CSNK2A1: variants seen among roughly 807,000 people sequenced by gnomAD.
CSNK2A1 encodes casein kinase II subunit alpha.
A neutral mutation model predicts 62.9 loss-of-function variants in CSNK2A1; 10 were observed. The ratio of observed to expected loss-of-function variants is 0.16; its 90% CI spans 0.10 to 0.27. The LOEUF (loss-of-function observed/expected upper bound fraction) is 0.27, where lower values mean the gene tolerates loss of function less well. Ranked by LOEUF, CSNK2A1 falls within the 10% of genes least tolerant of loss-of-function variation. The pLI is 1.00. For synonymous variants in CSNK2A1, 124 were observed against 167.8 expected (o/e 0.74, Z 2.02); for missense variants, 160 against 492.0 (o/e 0.33, Z 6.38).
At chr20:489,599 C>G (rs1339465224) in intron 10 of CSNK2A1, 181 bp downstream of exon 10, 1 of 453,364 alleles carries the variant, frequency 2.2e-6, no homozygotes, top group Admixed American at 3.7e-5. Context: ...ATAAGCAATG[C>G]AAATGACAAA....
chr20:509,683 C>G (rs2018675199), intron 2 of CSNK2A1, among the ~76,000 whole-genome samples: 1 of 152,182 alleles, frequency 6.6e-6, no homozygotes, highest in African/African-American at 2.4e-5. Context: ...TCCGGTGATT[C>G]TTTCACCTCA....
chr20:523,045 G>C (rs369626383), intron 2 of CSNK2A1, among the ~76,000 whole-genome samples: 1 of 152,166 alleles, frequency 6.6e-6, no homozygotes, highest in Admixed American at 6.5e-5. Flanking sequence ...ACTGAGGGAA[G>C]CATATATGGA....
rs2122474832 is a variant in CSNK2A1 at position 478,144 on chromosome 20, C to G, written c.*5817G>C. 1 of 152,554 alleles carries G rather than the reference C, an allele frequency of 6.6e-6. No homozygotes were observed. The highest frequency in any genetic ancestry group is 1.9e-4 in the East Asian group (1 of 5,186). 9.5% of individuals were successfully genotyped at this position (152,554 alleles called of 1,614,324 possible). A position where few individuals can be genotyped will look rare whatever the true frequency, so the allele number is the denominator to read the frequency against. On this transcript the variant is annotated 3_prime_UTR_variant, in exon 14 of 14. Coordinates refer to ENST00000217244, the MANE Select transcript of CSNK2A1 (RefSeq NM_177559.3). ...CCCAGTGTATAGCAAAGACCAGGCT[C>G]AGGGGCACTTACAAATGTTTGTTGA...
chr20:486,287 AG>A, intron 13 of CSNK2A1, 88 bp downstream of exon 13: 2 of 1,478,658 alleles, frequency 1.4e-6, no homozygotes, highest in Non-Finnish European at 1.9e-6. Context: ...AGTACGGAGA[AG>A]AGAAGGTATA....
chr20:538,403 C>T (rs1216304413), intron 1 of CSNK2A1, among the ~76,000 whole-genome samples: 1 of 152,192 alleles, frequency 6.6e-6, no homozygotes, highest in Non-Finnish European at 1.5e-5. Context: ...CAAAGTCAAA[C>T]ATAACCTCTA....
chr20:541,634 A>C (rs978229092), intron 1 of CSNK2A1, among the ~76,000 whole-genome samples: 1 of 152,214 alleles, frequency 6.6e-6, no homozygotes, highest in Non-Finnish European at 1.5e-5. Context: ...CACCTGTTTC[A>C]TCCTCAAATT....
intron 2 of CSNK2A1, among the ~76,000 whole-genome samples, chr20:527,729 G>A (rs73076706): frequency 0.036 from 4,877 of 136,968 alleles, 102 homozygotes; most frequent in Middle Eastern, 0.05. Flanking sequence ...TGGATGCCCC[G>A]TGTTTCACCA....
chr20:504,748 G>A (rs996306513), intron 4 of CSNK2A1: 9 of 199,508 alleles, frequency 4.5e-5, no homozygotes, highest in African/African-American at 9.2e-5. Context: ...TGTCCCCCTC[G>A]AGTCCTGTGA....
At chr20:520,656 T>C (rs924503473) in intron 2 of CSNK2A1, among the ~76,000 whole-genome samples, 3 of 152,130 alleles carry the variant, frequency 2.0e-5, no homozygotes, top group African/African-American at 7.2e-5. Context: ...TGTGTCACTA[T>C]GCCCTGCTAA....
Position 485,115 on chromosome 20 carries a change from T to TAATAATA in CSNK2A1, c.1061-1040_1061-1039insTATTATT, listed in dbSNP as rs1568496757. ...AAAAAAAAAAAAAAAAAAAAATATA[T>TAATAATA]ATATATATATATATATATATATGAG... is the stretch of plus-strand genomic sequence containing the variant. On this transcript the variant is annotated intron_variant, in intron 13 of 13. Coordinates refer to ENST00000217244, the MANE Select transcript of CSNK2A1 (RefSeq NM_177559.3). Among the ~76,000 whole-genome samples, 2 of 49,012 alleles carry TAATAATA rather than the reference T, an allele frequency of 4.1e-5. 1 individual carries two copies. Among genetic ancestry groups the TAATAATA allele is most frequent in the African/African-American group, 1.8e-4 (2 of 11,156 alleles). The allele number at this position is 49,012 out of a possible 152,430, so 32.2% of individuals were successfully genotyped here. A position where few individuals can be genotyped will look rare whatever the true frequency, so the allele number is the denominator to read the frequency against.
At chr20:515,623 T>TCA (rs150313072) in intron 2 of CSNK2A1, among the ~76,000 whole-genome samples, 179 of 150,880 alleles carry the variant, frequency 1.2e-3, no homozygotes, top group African/African-American at 3.2e-3. Context: ...TACTGCACAT[T>TCA]CACACACACA....
chr20:523,858 C>CAAAAAAAAAAAAAAAAAAAAAAAAAAAAA (rs11401840), intron 2 of CSNK2A1, among the ~76,000 whole-genome samples: 1 of 45,540 alleles, frequency 2.2e-5, no homozygotes, highest in African/African-American at 9.2e-5. Context: ...GACTCCATCT[C>CAAAAAAAAAAAAAAAAAAAAAAAAAAAAA]AAAAAAAAAA....
rs1272897912 is a variant in CSNK2A1 at position 473,502 on chromosome 20, T to C, written c.*10459A>G. ...CATCCAAGGGGGTGACAGGATTTGG[T>C]GTCCTTCCCTCCACAGACTAAGGCT... On this transcript the variant is annotated 3_prime_UTR_variant, in exon 14 of 14. Transcript: ENST00000217244. The C allele has an allele frequency of 6.6e-6, 1 of 152,254 alleles. No homozygotes were observed. The highest frequency in any genetic ancestry group is 1.5e-5 in the Non-Finnish European group (1 of 68,100). The allele number at this position is 152,254 out of a possible 1,614,324, so 9.4% of individuals were successfully genotyped here. A position where few individuals can be genotyped will look rare whatever the true frequency, so the allele number is the denominator to read the frequency against.
chr20:495,586 C>T (rs2018329500), intron 8 of CSNK2A1, 133 bp downstream of exon 8: 1 of 653,446 alleles, frequency 1.5e-6, no homozygotes, highest in Non-Finnish European at 2.7e-6. Flanking sequence ...TAAATTCGTA[C>T]ATTCATTCAC....
intron 2 of CSNK2A1, among the ~76,000 whole-genome samples, chr20:523,622 T>C (rs1210820057): frequency 2.0e-5 from 3 of 152,196 alleles, no homozygotes; most frequent in Admixed American, 2.0e-4. Context: ...TTGGGCACGG[T>C]GGCTCACGCC....
At chr20:514,187 C>T (rs2018782445) in intron 2 of CSNK2A1, among the ~76,000 whole-genome samples, 1 of 151,748 alleles carries the variant, frequency 6.6e-6, no homozygotes, top group Non-Finnish European at 1.5e-5. Flanking sequence ...CTACAAATAA[C>T]ATAAAAATGA....
chr20:513,025 T>C (rs2018756909), intron 2 of CSNK2A1, among the ~76,000 whole-genome samples: 1 of 152,318 alleles, frequency 6.6e-6, no homozygotes, highest in Non-Finnish European at 1.5e-5. Context: ...AGGAAAACCG[T>C]AGAGAAAGGT....
intron 6 of CSNK2A1, chr20:498,028 G>C (rs1014158594): frequency 1.5e-5 from 6 of 398,102 alleles, no homozygotes; most frequent in African/African-American, 1.2e-4. Context: ...GAAACATACT[G>C]ATCTAGATAC....
At chr20:488,294 C>G (rs1337749035) in intron 11 of CSNK2A1, 1 of 190,334 alleles carries the variant, frequency 5.3e-6, no homozygotes, top group Non-Finnish European at 1.1e-5. Context: ...TATGAGCCAC[C>G]GTGCCCAGCC....
Sources: allele counts gnomAD v4.1 joint callset (sites outside exome capture counted in the v4.1 genomes callset), GRCh38; gene constraint gnomAD v4.1.1; transcripts MANE v1.5; gene names NCBI Gene and HGNC (gene_info 2026-07-23, HGNC 2026-07-21).